NREP: variants seen among roughly 807,000 people sequenced by gnomAD.
The protein encoded by NREP is neuronal regeneration-related protein.
Under a neutral mutation model 8.6 loss-of-function variants are expected in NREP, and 5 were observed. The ratio of observed to expected loss-of-function variants is 0.58; its 90% CI spans 0.30 to 1.22. The LOEUF (loss-of-function observed/expected upper bound fraction) is 1.22, where lower values mean the gene tolerates loss of function less well. NREP is among the 50% of genes most tolerant of loss of function. The probability of loss-of-function intolerance (pLI) is 0.07; values close to 1 mark genes in which losing one functional copy is unlikely to be tolerated. For missense variants in NREP, 86 were observed against 82.5 expected (o/e 1.04, Z -0.17); for synonymous variants, 27 against 28.0 (o/e 0.96, Z 0.11).
intron 2 of NREP, among the ~76,000 whole-genome samples, chr5:111,924,558 A>G (rs1755331809): frequency 6.6e-6 from 1 of 152,066 alleles, no homozygotes; most frequent in Non-Finnish European, 1.5e-5. Flanking sequence ...CTACTGAATG[A>G]ATTGGGACTA....
At chr5:111,773,845 C>A (rs1165651413) in intron 2 of NREP, among the ~76,000 whole-genome samples, 1 of 152,120 alleles carries the variant, frequency 6.6e-6, no homozygotes, top group African/African-American at 2.4e-5. Context: ...TGTTCTCTCC[C>A]TGGTACCCTG....
rs58877839 is a variant in NREP at position 111,964,855 on chromosome 5, C to CAAAAAAAAAAAAAAAA, written c.135+10403_135+10418dup. Among the ~76,000 whole-genome samples, 23 of 44,884 alleles carry CAAAAAAAAAAAAAAAA rather than the reference C, an allele frequency of 5.1e-4. 1 individual carries two copies. The highest frequency in any genetic ancestry group is 1.3e-3 in the East Asian group (1 of 786). 29.4% of individuals were successfully genotyped at this position (44,884 alleles called of 152,430 possible). A position where few individuals can be genotyped will look rare whatever the true frequency, so the allele number is the denominator to read the frequency against. ...AGTCTACTTAGAATGCTTTCAGCAG[C>CAAAAAAAAAAAAAAAA]AAAAAAAAAAAAAAAAAAAAAAAAA... is the stretch of plus-strand genomic sequence containing the variant. On this transcript the variant is annotated intron_variant, in intron 2 of 3. Transcript: ENST00000395634.
intron 2 of NREP, among the ~76,000 whole-genome samples, chr5:111,830,077 A>G (rs1453069307): frequency 6.6e-6 from 1 of 152,192 alleles, no homozygotes; most frequent in East Asian, 1.9e-4. Context: ...CACAGGCTGC[A>G]TGTGGCCCAG....
chr5:111,899,681 T>C (rs1401082544), intron 2 of NREP, among the ~76,000 whole-genome samples: 2 of 152,174 alleles, frequency 1.3e-5, no homozygotes, highest in African/African-American at 2.4e-5. Context: ...CCTAACCATA[T>C]GCTGCCTACA....
At chr5:111,741,915 C>A (rs1439825513) in intron 2 of NREP, among the ~76,000 whole-genome samples, 1 of 151,308 alleles carries the variant, frequency 6.6e-6, no homozygotes, top group African/African-American at 2.4e-5. Flanking sequence ...TTATGAACAC[C>A]CAACTACTGC....
intron 2 of NREP, among the ~76,000 whole-genome samples, chr5:111,860,351 A>G (rs1753518081): frequency 6.6e-6 from 1 of 151,928 alleles, no homozygotes; most frequent in Non-Finnish European, 1.5e-5. Context: ...TCTTTGAACT[A>G]TTTCTTCCAT....
intron 2 of NREP, among the ~76,000 whole-genome samples, chr5:111,903,568 T>C (rs1754703427): frequency 6.6e-6 from 1 of 152,186 alleles, no homozygotes; most frequent in Non-Finnish European, 1.5e-5. Flanking sequence ...TTCAGCTGGG[T>C]ATGGTAACCT....
chr5:111,775,316 G>T (rs1184509985), intron 2 of NREP, among the ~76,000 whole-genome samples: 1 of 152,132 alleles, frequency 6.6e-6, no homozygotes, highest in Non-Finnish European at 1.5e-5. Flanking sequence ...CAAATCTTTA[G>T]GGAGCAGTGT....
chr5:111,897,443 C>T (rs1270169593), intron 2 of NREP, among the ~76,000 whole-genome samples: 1 of 152,176 alleles, frequency 6.6e-6, no homozygotes, highest in Non-Finnish European at 1.5e-5. Flanking sequence ...AGCTGGTTCT[C>T]AACCCAGGCA....
intron 2 of NREP, among the ~76,000 whole-genome samples, chr5:111,935,194 T>C (rs1164785402): frequency 6.6e-6 from 1 of 152,056 alleles, no homozygotes; most frequent in Non-Finnish European, 1.5e-5. Flanking sequence ...CATGATCACA[T>C]GGGAGGGAGG....
intron 2 of NREP, among the ~76,000 whole-genome samples, chr5:111,919,405 T>C (rs570692124): frequency 2.8e-4 from 43 of 152,212 alleles, no homozygotes; most frequent in African/African-American, 8.2e-4. Flanking sequence ...ATCATTCTAG[T>C]ATAAAAATAC....
chr5:111,831,962 T>C (rs1213283825), intron 2 of NREP, among the ~76,000 whole-genome samples: 1 of 152,172 alleles, frequency 6.6e-6, no homozygotes, highest in East Asian at 1.9e-4. Flanking sequence ...GTGGCCCACG[T>C]AGGCCAAGTG....
At chr5:111,782,372 C>T (rs1045473740) in intron 2 of NREP, among the ~76,000 whole-genome samples, 6 of 152,160 alleles carry the variant, frequency 3.9e-5, no homozygotes, top group Admixed American at 6.6e-5. Flanking sequence ...GTTAGTTATC[C>T]GCCTTAAAAG....
intron 2 of NREP, among the ~76,000 whole-genome samples, chr5:111,771,996 A>T (rs1751242590): frequency 6.6e-6 from 1 of 152,184 alleles, no homozygotes; most frequent in African/African-American, 2.4e-5. Flanking sequence ...TATAAATGCT[A>T]CTGTAAGATG....
intron 2 of NREP, among the ~76,000 whole-genome samples, chr5:111,830,553 C>G (rs1272684485): frequency 6.6e-6 from 1 of 152,234 alleles, no homozygotes; most frequent in Non-Finnish European, 1.5e-5. Flanking sequence ...TCACAAGCCA[C>G]AACACTCAAA....
At chr5:111,910,337 G>A (rs1025142721) in intron 2 of NREP, among the ~76,000 whole-genome samples, 1 of 151,982 alleles carries the variant, frequency 6.6e-6, no homozygotes. Flanking sequence ...ATAAAGGCAA[G>A]TTAAATCATC....
At chr5:111,846,745 C>T (rs2112956136) in intron 2 of NREP, among the ~76,000 whole-genome samples, 1 of 152,212 alleles carries the variant, frequency 6.6e-6, no homozygotes, top group South Asian at 2.1e-4. Context: ...CTTCACAGTT[C>T]CATGAGATAA....
At chr5:111,878,383 G>A in intron 2 of NREP, among the ~76,000 whole-genome samples, 1 of 152,138 alleles carries the variant, frequency 6.6e-6, no homozygotes, top group Non-Finnish European at 1.5e-5. Flanking sequence ...AGGTGAGAGA[G>A]AGCAACAGGG....
At chr5:111,760,974 T>A (rs1489883470), upstream of NREP, among the ~76,000 whole-genome samples, 1 of 152,248 alleles carries the variant, frequency 6.6e-6, no homozygotes, top group Non-Finnish European at 1.5e-5. Flanking sequence ...TAATTTTTGG[T>A]CAATGTCATT....
Sources: gnomAD v4.1 joint callset for allele counts (sites outside exome capture counted in the v4.1 genomes callset) on GRCh38, gnomAD v4.1.1 for gene constraint, MANE v1.5 for transcripts, NCBI Gene and HGNC (gene_info 2026-07-23, HGNC 2026-07-21) for gene names.